IGSF21: variants seen among roughly 807,000 people sequenced by gnomAD.
IGSF21 encodes the protein immunoglobulin superfamily member 21.
A neutral mutation model predicts 46.8 loss-of-function variants in IGSF21; 28 were observed. That is an observed-to-expected ratio of 0.60 (90% confidence interval 0.44 to 0.82). IGSF21 has a LOEUF of 0.82. Ranked by LOEUF, IGSF21 falls within the 40% of genes least tolerant of loss-of-function variation. The probability of loss-of-function intolerance (pLI) is 0.00; values close to 1 mark genes in which losing one functional copy is unlikely to be tolerated. For synonymous variants in IGSF21, 284 were observed against 273.6 expected (o/e 1.04, Z -0.38); for missense variants, 624 against 665.5 (o/e 0.94, Z 0.69).
intron 5 of IGSF21, among the ~76,000 whole-genome samples, chr1:18,364,866 A>T (rs1324005998): frequency 6.6e-6 from 1 of 152,128 alleles, no homozygotes; most frequent in Non-Finnish European, 1.5e-5. Flanking sequence ...GCCATGGTGT[A>T]GGCCGAAGTC....
intron 1 of IGSF21, among the ~76,000 whole-genome samples, chr1:18,206,699 G>A (rs923629733): frequency 6.6e-5 from 10 of 152,186 alleles, no homozygotes; most frequent in African/African-American, 2.4e-4. Context: ...AAGTGAGGCT[G>A]GAGTGAGAGC....
chr1:18,156,504 A>G (rs930969350), intron 1 of IGSF21, among the ~76,000 whole-genome samples: 1 of 152,178 alleles, frequency 6.6e-6, no homozygotes, highest in Non-Finnish European at 1.5e-5. Context: ...TCTTCCAGAA[A>G]GCAACAACAA....
chr1:18,376,927 T>C lies in IGSF21; in HGVS notation c.1229T>C (p.Met410Thr). 1 of 1,612,512 alleles carries C rather than the reference T, an allele frequency of 6.2e-7. No individual in the cohort carries two copies. Residue 410 changes from methionine to threonine, a missense_variant, in exon 8 of 10, where the codon ATG becomes ACG. Coordinates refer to ENST00000251296, the MANE Select transcript of IGSF21 (RefSeq NM_032880.5). ...ERVPAELNGS[M>T]YRCTAQNPLG... ...GTTCCCGCCGAGCTCAATGGCTCCA[T>C]GTATCGCTGCACCGCCCAGAACCCA...
intron 3 of IGSF21, among the ~76,000 whole-genome samples, chr1:18,324,780 G>T (rs2085641576): frequency 6.6e-6 from 1 of 152,160 alleles, no homozygotes; most frequent in Admixed American, 6.5e-5. Flanking sequence ...CCCGGAGGAA[G>T]TGTGTCCCTA....
At chr1:18,345,018 T>C (rs913233757) in intron 4 of IGSF21, among the ~76,000 whole-genome samples, 3 of 152,130 alleles carry the variant, frequency 2.0e-5, no homozygotes, top group Admixed American at 6.5e-5. Flanking sequence ...GGAGGAGGTA[T>C]GAACACGAGC....
chr1:18,359,479 G>T (rs2086076039), intron 4 of IGSF21, among the ~76,000 whole-genome samples: 1 of 87,236 alleles, frequency 1.1e-5, no homozygotes, highest in Non-Finnish European at 2.5e-5. Context: ...AAGGAAGGAA[G>T]GAAGGAAGGA....
intron 8 of IGSF21, 97 bp from the exon 9 acceptor site, chr1:18,377,296 G>A: frequency 1.8e-6 from 2 of 1,097,198 alleles, no homozygotes; most frequent in South Asian, 2.5e-5. Context: ...GACAGTGCGT[G>A]TGATACCTCA....
chr1:18,177,120 A>G (rs2086806898), intron 1 of IGSF21, among the ~76,000 whole-genome samples: 1 of 152,174 alleles, frequency 6.6e-6, no homozygotes, highest in Non-Finnish European at 1.5e-5. Flanking sequence ...ATCTGGGAAG[A>G]TATATTGCTT....
intron 2 of IGSF21, among the ~76,000 whole-genome samples, chr1:18,280,872 A>G (rs961523294): frequency 6.6e-6 from 1 of 151,916 alleles, no homozygotes; most frequent in African/African-American, 2.4e-5. Context: ...CTCTGCTTCA[A>G]CCTCCAAAGC....
chr1:18,169,174 G>A (rs546672160), intron 1 of IGSF21, among the ~76,000 whole-genome samples: 5 of 152,346 alleles, frequency 3.3e-5, no homozygotes, highest in African/African-American at 1.2e-4. Context: ...TTCACATTGG[G>A]CCCCAATGGC....
intron 2 of IGSF21, among the ~76,000 whole-genome samples, chr1:18,253,167 C>T (rs2084858566): frequency 6.6e-6 from 1 of 152,192 alleles, no homozygotes; most frequent in Non-Finnish European, 1.5e-5. Context: ...TTCCCAGCAT[C>T]TTCATCCGAT....
At chr1:18,167,350 G>A (rs182038172) in intron 1 of IGSF21, among the ~76,000 whole-genome samples, 14 of 152,264 alleles carry the variant, frequency 9.2e-5, no homozygotes, top group Admixed American at 6.5e-4. Context: ...AGATATGACC[G>A]GCCTTATTGT....
chr1:18,333,544 C>G (rs2085736079), intron 3 of IGSF21, among the ~76,000 whole-genome samples: 1 of 152,346 alleles, frequency 6.6e-6, no homozygotes, highest in Admixed American at 6.5e-5. Flanking sequence ...CAGGAAGTAG[C>G]ATCTCCACTG....
intron 3 of IGSF21, among the ~76,000 whole-genome samples, chr1:18,332,007 T>C (rs144922748): frequency 3.1e-4 from 47 of 152,302 alleles, no homozygotes; most frequent in African/African-American, 9.9e-4. Flanking sequence ...GCTGTACACA[T>C]AGTCCTCAGT....
At chr1:18,169,567 A>T (rs966056140) in intron 1 of IGSF21, among the ~76,000 whole-genome samples, 6 of 152,192 alleles carry the variant, frequency 3.9e-5, no homozygotes, top group Non-Finnish European at 7.3e-5. Context: ...CCATGTGAGG[A>T]TGGCGGCACA....
chr1:18,304,730 T>TACAC (rs59328124), intron 3 of IGSF21, among the ~76,000 whole-genome samples: 70,788 of 128,154 alleles, frequency 0.55, 19,826 homozygotes, highest in East Asian at 0.82. Context: ...CACACACACA[T>TACAC]ACACACACAC....
chr1:18,266,534 C>A (rs1025327845), intron 2 of IGSF21, among the ~76,000 whole-genome samples: 23 of 152,206 alleles, frequency 1.5e-4, no homozygotes, highest in Non-Finnish European at 1.5e-4. Flanking sequence ...ACAGGAGTGA[C>A]CAACTCTGTC....
At chr1:18,113,858 C>G (rs2086164163) in intron 1 of IGSF21, 1 of 152,162 alleles carries the variant, frequency 6.6e-6, no homozygotes, top group East Asian at 1.9e-4. Flanking sequence ...AAGCAGAGCT[C>G]TTAGCTCAGT....
intron 1 of IGSF21, among the ~76,000 whole-genome samples, chr1:18,175,996 C>A (rs893951970): frequency 6.6e-6 from 1 of 152,200 alleles, no homozygotes; most frequent in Non-Finnish European, 1.5e-5. Flanking sequence ...CCTGGGCATG[C>A]CGCTGGATGT....
Sources: gnomAD v4.1 joint callset for allele counts (sites outside exome capture counted in the v4.1 genomes callset) on GRCh38, gnomAD v4.1.1 for gene constraint, MANE v1.5 for transcripts, NCBI Gene and HGNC (gene_info 2026-07-23, HGNC 2026-07-21) for gene names.